Variants in PCDHA7 observed in about 807,000 individuals in gnomAD.
PCDHA7 encodes the protein protocadherin alpha 7.
In PCDHA7, 37 loss-of-function variants were observed where a neutral mutation model predicts 57.2. The ratio of observed to expected loss-of-function variants is 0.65; its 90% CI spans 0.50 to 0.85. The LOEUF (loss-of-function observed/expected upper bound fraction) is 0.85, where lower values mean the gene tolerates loss of function less well. PCDHA7 is among the 40% of genes least tolerant of loss of function. PCDHA7 has a pLI of 0.00. For synonymous variants in PCDHA7, 553 were observed against 558.8 expected, an observed-to-expected ratio of 0.99 and a Z score of 0.15; for missense variants, 1,188 against 1,241.8, an observed-to-expected ratio of 0.96 and a Z score of 0.65.
At chr5:140,966,695 C>CGGGCGTG in intron 1 of PCDHA7, 1 of 1,358,486 alleles carries the variant, frequency 7.4e-7, no homozygotes, top group Non-Finnish European at 9.5e-7. Flanking sequence ...AGGCGGGGCC[C>CGGGCGTG]GGGCGTGGGG....
chr5:140,997,668 T>TGTGTG (rs2097778571), intron 3 of PCDHA7, among the ~76,000 whole-genome samples: 1 of 148,244 alleles, frequency 6.7e-6, no homozygotes, highest in African/African-American at 2.5e-5. Flanking sequence ...ATTATACAGC[T>TGTGTG]TGTGTGTGTG....
At chr5:140,877,065 G>A (rs782807909) in intron 1 of PCDHA7, 7 of 1,613,044 alleles carry the variant, frequency 4.3e-6, no homozygotes, top group Non-Finnish European at 5.9e-6. Flanking sequence ...TGGAGCTGCT[G>A]CAGTTCCAGG....
intron 3 of PCDHA7, among the ~76,000 whole-genome samples, chr5:140,994,140 A>G (rs768317904): frequency 7.2e-5 from 11 of 152,230 alleles, no homozygotes; most frequent in Non-Finnish European, 1.5e-4. Context: ...ATAATGCCCT[A>G]CGTAGGTAGG....
At position 140,877,517 on chromosome 5, in the gene PCDHA7, C is replaced by T. The variant is rs782271327; in HGVS notation, c.2355+40779C>T. ...CAGGCCCCAAAGACGTCGTCGCGGG[C>T]CTCAGTGGGCGCTGTGGATCCCGAA... On this transcript the variant is annotated intron_variant, in intron 1 of 3. Coordinates refer to ENST00000525929, the MANE Select transcript of PCDHA7 (RefSeq NM_018910.3). 5.6e-6 allele frequency: 9 copies of T among 1,613,766 alleles called. No homozygotes were observed. Among genetic ancestry groups the T allele is most frequent in the Non-Finnish European group, 7.6e-6 (9 of 1,179,862 alleles).
chr5:140,995,954 A>G (rs2097705768), intron 3 of PCDHA7, among the ~76,000 whole-genome samples: 1 of 152,226 alleles, frequency 6.6e-6, no homozygotes, highest in South Asian at 2.1e-4. Context: ...TGCACGCAAA[A>G]TGCTTAGAAC....
intron 1 of PCDHA7, among the ~76,000 whole-genome samples, chr5:140,881,116 TG>T (rs1181000408): frequency 3.3e-5 from 5 of 152,242 alleles, no homozygotes; most frequent in African/African-American, 7.2e-5. Flanking sequence ...CCTGGGATTT[TG>T]TGGCTTGGTA....
At chr5:140,860,219 A>C (rs2046275185) in intron 1 of PCDHA7, 1 of 151,166 alleles carries the variant, frequency 6.6e-6, no homozygotes, top group South Asian at 2.1e-4. Flanking sequence ...GTACTTATGT[A>C]TATATAAGCC....
At chr5:140,964,212 A>G (rs1195642946) in intron 1 of PCDHA7, among the ~76,000 whole-genome samples, 11 of 152,244 alleles carry the variant, frequency 7.2e-5, no homozygotes, top group African/African-American at 2.7e-4. Flanking sequence ...TCTTTAGTAC[A>G]ATGTCTTTCA....
At chr5:140,966,971 C>G (rs375161984) in intron 1 of PCDHA7, 1 of 1,602,808 alleles carries the variant, frequency 6.2e-7, no homozygotes, top group Non-Finnish European at 8.5e-7. Flanking sequence ...GGGGCTTGAG[C>G]TGCGGCGCTT....
At chr5:140,968,818 T>C in intron 1 of PCDHA7, 1 of 1,614,188 alleles carries the variant, frequency 6.2e-7, no homozygotes, top group South Asian at 1.1e-5. Flanking sequence ...TGGATAGGGT[T>C]TCCAAAATCC....
At chr5:140,947,209 A>C (rs1462777257) in intron 1 of PCDHA7, among the ~76,000 whole-genome samples, 2 of 151,580 alleles carry the variant, frequency 1.3e-5, no homozygotes, top group Non-Finnish European at 3.0e-5. Flanking sequence ...AAAAAAAGAA[A>C]ATCCTGTCAT....
chr5:141,006,127 C>CA (rs2098257011), intron 3 of PCDHA7, among the ~76,000 whole-genome samples: 1 of 147,760 alleles, frequency 6.8e-6, no homozygotes, highest in Admixed American at 6.7e-5. Flanking sequence ...TTTCTCAAGG[C>CA]AGTAGAAAGC....
intron 1 of PCDHA7, chr5:140,969,441 G>T (rs1554231808): frequency 1.9e-6 from 3 of 1,543,640 alleles, no homozygotes; most frequent in Non-Finnish European, 2.6e-6. Flanking sequence ...GAGTTATCTG[G>T]TAAACTGAGT....
At chr5:140,840,778 A>T (rs1277652633) in intron 1 of PCDHA7, among the ~76,000 whole-genome samples, 2 of 152,094 alleles carry the variant, frequency 1.3e-5, no homozygotes, top group Non-Finnish European at 2.9e-5. Context: ...GAAAAGTTAG[A>T]ATTATATGCT....
intron 1 of PCDHA7, among the ~76,000 whole-genome samples, chr5:140,895,848 G>T (rs147299280): frequency 6.6e-6 from 1 of 151,982 alleles, no homozygotes; most frequent in Non-Finnish European, 1.5e-5. Flanking sequence ...TCTCACTCTT[G>T]TACCCCAGGC....
rs1554149682 is a variant in PCDHA7, at chr5:140,857,224, T to C, written c.2355+20486T>C. ...TCACCTGCTCTCTGACGCCTCACGT[T>C]CCGTTCAAGCTGGTGTCCACCTACA... On this transcript the variant is annotated intron_variant, in intron 1 of 3. Transcript: ENST00000525929. 4 of 1,598,426 alleles carry C rather than the reference T, an allele frequency of 2.5e-6. 1 individual carries two copies. Among genetic ancestry groups the C allele is most frequent in the Non-Finnish European group, 3.4e-6 (4 of 1,167,908 alleles).
At chr5:140,875,268 A>G (rs1484025646) in intron 1 of PCDHA7, 4 of 1,218,994 alleles carry the variant, frequency 3.3e-6, no homozygotes, top group Non-Finnish European at 4.4e-6. Context: ...GTCGCTCTAC[A>G]CTCAGAAGGT....
intron 1 of PCDHA7, chr5:140,930,381 A>G (rs569032116): frequency 2.0e-5 from 3 of 152,008 alleles, no homozygotes; most frequent in East Asian, 3.9e-4. Flanking sequence ...GGCCCTTGGC[A>G]TTTCAAAACT....
chr5:140,886,931 G>C (rs1426144437), intron 1 of PCDHA7, among the ~76,000 whole-genome samples: 1 of 151,756 alleles, frequency 6.6e-6, no homozygotes, highest in South Asian at 2.1e-4. Flanking sequence ...CTATGTGCCA[G>C]GCATGTTCTA....
Sources: allele counts gnomAD v4.1 joint callset (sites outside exome capture counted in the v4.1 genomes callset), GRCh38; gene constraint gnomAD v4.1.1; transcripts MANE v1.5; gene names NCBI Gene and HGNC (gene_info 2026-07-23, HGNC 2026-07-21).